Variants in SYN3 observed in about 807,000 individuals in gnomAD.
The protein encoded by SYN3 is synapsin III, also known as synapsin-3.
SYN3 carries 35 observed loss-of-function variants against 65.8 expected under a neutral mutation model. The ratio of observed to expected loss-of-function variants is 0.53; its 90% CI spans 0.41 to 0.70. SYN3 has a LOEUF of 0.70. Ranked by LOEUF, SYN3 falls within the 30% of genes least tolerant of loss-of-function variation. The pLI, the probability that SYN3 is intolerant of heterozygous loss-of-function variation, is 0.00. For synonymous variants in SYN3, 270 were observed against 292.9 expected (o/e 0.92, Z 0.80); for missense variants, 680 against 749.0 (o/e 0.91, Z 1.08).
intron 7 of SYN3, among the ~76,000 whole-genome samples, chr22:32,542,610 C>A (rs2058274876): frequency 6.8e-6 from 1 of 146,144 alleles, no homozygotes; most frequent in Admixed American, 7.0e-5. Context: ...ATATAGTATG[C>A]AGTGCTTCTG....
At chr22:32,590,016 A>G (rs2059106139) in intron 7 of SYN3, among the ~76,000 whole-genome samples, 1 of 152,164 alleles carries the variant, frequency 6.6e-6, no homozygotes, top group South Asian at 2.1e-4. Context: ...GAAATATAGC[A>G]CAACTATGAA....
At chr22:32,844,846 G>A (rs985030042) in intron 6 of SYN3, among the ~76,000 whole-genome samples, 6 of 151,934 alleles carry the variant, frequency 3.9e-5, no homozygotes, top group Non-Finnish European at 5.9e-5. Context: ...GAGTAGCTGA[G>A]ACTACAGATA....
chr22:32,981,395 G>T (rs2052369105), intron 2 of SYN3, among the ~76,000 whole-genome samples: 1 of 151,580 alleles, frequency 6.6e-6, no homozygotes, highest in Admixed American at 6.6e-5. Flanking sequence ...AGACCAGTCT[G>T]ACCAACATGG....
At chr22:32,865,760 C>A (rs1194917030) in intron 5 of SYN3, among the ~76,000 whole-genome samples, 2 of 152,078 alleles carry the variant, frequency 1.3e-5, no homozygotes, top group African/African-American at 4.8e-5. Flanking sequence ...ATTATTGGAG[C>A]AACAAGCTGA....
chr22:32,727,027 T>C (rs1351113679), intron 6 of SYN3, among the ~76,000 whole-genome samples: 1 of 152,022 alleles, frequency 6.6e-6, no homozygotes, highest in African/African-American at 2.4e-5. Flanking sequence ...ATGTGCAGGA[T>C]ATGCAGCTTC....
chr22:32,990,343 TCCAC>T (rs1364853776), intron 2 of SYN3, among the ~76,000 whole-genome samples: 3 of 148,836 alleles, frequency 2.0e-5, no homozygotes, highest in South Asian at 2.1e-4. Context: ...CATCCATCCA[TCCAC>T]CCATCCATCC....
At chr22:32,544,072 G>A (rs946295554) in intron 7 of SYN3, among the ~76,000 whole-genome samples, 39 of 152,144 alleles carry the variant, frequency 2.6e-4, no homozygotes, top group African/African-American at 8.0e-4. Flanking sequence ...CCGAGTAGCC[G>A]GGACTACAGG....
intron 6 of SYN3, among the ~76,000 whole-genome samples, chr22:32,745,229 T>C (rs1397482207): frequency 6.6e-6 from 1 of 152,124 alleles, no homozygotes. Flanking sequence ...ATGGAGAGCC[T>C]GGACTTTTGC....
chr22:32,682,746 C>T (rs1434059854), intron 6 of SYN3, among the ~76,000 whole-genome samples: 2 of 56,700 alleles, frequency 3.5e-5, no homozygotes, highest in Non-Finnish European at 6.7e-5. Flanking sequence ...AGTATTTATT[C>T]TGGGTGATGT....
At chr22:32,734,600 C>T (rs1346364431) in intron 6 of SYN3, among the ~76,000 whole-genome samples, 2 of 152,122 alleles carry the variant, frequency 1.3e-5, no homozygotes, top group Non-Finnish European at 2.9e-5. Flanking sequence ...TGGGAAGCAG[C>T]GGAACCCCAT....
At chr22:32,586,026 GTATGTATATATGTA>G (rs775338168) in intron 7 of SYN3, among the ~76,000 whole-genome samples, 17,848 of 127,234 alleles carry the variant, frequency 0.14, 1,927 homozygotes, top group African/African-American at 0.3. Flanking sequence ...ATATATGTAT[GTATGTATATATGTA>G]TATGTATATA....
chr22:32,875,467 T>A (rs1047694972), intron 4 of SYN3, among the ~76,000 whole-genome samples: 9 of 152,352 alleles, frequency 5.9e-5, no homozygotes, highest in East Asian at 5.8e-4. Context: ...CCACATGTTA[T>A]GGGTTGAACT....
intron 6 of SYN3, among the ~76,000 whole-genome samples, chr22:32,668,496 C>T (rs1338610438): frequency 1.3e-5 from 2 of 151,886 alleles, no homozygotes; most frequent in African/African-American, 4.8e-5. Flanking sequence ...CCCCTCCCTC[C>T]TCCCTTCACT....
intron 3 of SYN3, among the ~76,000 whole-genome samples, chr22:32,940,995 C>T (rs1383688948): frequency 6.6e-6 from 1 of 152,210 alleles, no homozygotes; most frequent in Non-Finnish European, 1.5e-5. Flanking sequence ...GTTTCCCTAG[C>T]AATATGATTG....
rs548055155 is a variant in SYN3 at position 32,513,443 on chromosome 22, C to T, written c.*249G>A. On this transcript the variant is annotated 3_prime_UTR_variant, in exon 14 of 14. Transcript: ENST00000358763. ...GGTAGGCAGAGGGTGTGATGCCCAT[C>T]GCTCAGGCCTGTTTTGAGGAACCTG... The T allele has an allele frequency of 1.3e-4, 50 of 389,660 alleles. No individual in the cohort carries two copies. Among genetic ancestry groups the T allele is most frequent in the Non-Finnish European group, 2.0e-4 (44 of 219,126 alleles). The allele number at this position is 389,660 out of a possible 1,614,324, so 24.1% of individuals were successfully genotyped here.
At chr22:32,552,592 AGTGGTTAT>A (rs2058433540) in intron 7 of SYN3, among the ~76,000 whole-genome samples, 2 of 152,116 alleles carry the variant, frequency 1.3e-5, no homozygotes, top group East Asian at 3.9e-4. Flanking sequence ...TGGGGTTAAC[AGTGGTTAT>A]GTCTGGATAT....
intron 7 of SYN3, among the ~76,000 whole-genome samples, chr22:32,562,242 C>A (rs1347388818): frequency 6.6e-6 from 1 of 152,218 alleles, no homozygotes; most frequent in African/African-American, 2.4e-5. Flanking sequence ...ATAAAAGTTG[C>A]CGAAACGTCT....
At chr22:32,651,581 T>C (rs2146952848) in intron 6 of SYN3, among the ~76,000 whole-genome samples, 1 of 152,186 alleles carries the variant, frequency 6.6e-6, no homozygotes, top group East Asian at 1.9e-4. Context: ...AATGAATGAA[T>C]GAATGAAAAG....
At chr22:32,542,272 A>T (rs1235376262) in intron 7 of SYN3, among the ~76,000 whole-genome samples, 1 of 152,110 alleles carries the variant, frequency 6.6e-6, no homozygotes, top group Non-Finnish European at 1.5e-5. Flanking sequence ...GATATGAGAC[A>T]CAGAGGGGCC....
Sources: allele counts gnomAD v4.1 joint callset (sites outside exome capture counted in the v4.1 genomes callset), GRCh38; gene constraint gnomAD v4.1.1; transcripts MANE v1.5; gene names NCBI Gene and HGNC (gene_info 2026-07-23, HGNC 2026-07-21).